KIRREL2: variants seen among roughly 807,000 people sequenced by gnomAD.
The protein encoded by KIRREL2 is kirre like nephrin family adhesion molecule 2, also known as kin of IRRE-like protein 2.
Under a neutral mutation model 73.4 loss-of-function variants are expected in KIRREL2, and 56 were observed. The ratio of observed to expected loss-of-function variants is 0.76; its 90% CI spans 0.62 to 0.95. KIRREL2 has a LOEUF of 0.95. Among genes scored for constraint, KIRREL2 ranks in the 40% least tolerant of loss-of-function variants. The pLI is 0.00. For synonymous variants in KIRREL2, 407 were observed against 404.0 expected (o/e 1.01, Z -0.09); for missense variants, 896 against 935.0 (o/e 0.96, Z 0.54).
chr19:35,857,193 G>T lies in KIRREL2; in HGVS notation c.61+13G>T. On this transcript the variant is annotated intron_variant, in intron 1 of 14. Coordinates refer to ENST00000360202, the MANE Select transcript of KIRREL2 (RefSeq NM_199180.4). ...AGAGGGAGAGCAGGTACCGCACGAGGGGAGCGGAGGAATATGGGGTGGGGG... is the reference window on the plus strand; with the variant it reads ...AGAGGGAGAGCAGGTACCGCACGAGTGGAGCGGAGGAATATGGGGTGGGGG... 6.2e-7 allele frequency: 1 copy of T among 1,611,670 alleles called. No individual in the cohort carries two copies. Among genetic ancestry groups the T allele is most frequent in the Non-Finnish European group, 8.5e-7 (1 of 1,178,566 alleles).
At position 35,861,902 on chromosome 19, in the gene KIRREL2, C is replaced by T. The variant is rs376659232; in HGVS notation, c.1388C>T (p.Pro463Leu). The change falls in exon 11 of 15, where the codon CCG (proline) becomes CTG (leucine). Residue 463 changes from proline to leucine, a missense_variant. Transcript: ENST00000360202. ...PAPESRGGLG[P>L]GLISVLHISG... ...CCAGAGAGCCGCGGGGGACTGGGTC[C>T]GGGCCTGATCTCTGTGCTACACATT... is the stretch of plus-strand genomic sequence containing the variant. The T allele has an allele frequency of 2.0e-4, 321 of 1,606,962 alleles. 1 individual carries two copies. Among genetic ancestry groups the T allele is most frequent in the Non-Finnish European group, 2.5e-4 (298 of 1,177,102 alleles).
upstream of KIRREL2, among the ~76,000 whole-genome samples, chr19:35,856,261 G>A (rs1449435005): frequency 6.6e-6 from 1 of 152,100 alleles, no homozygotes. This position sits in a 1 kb window ranked among gnomAD's most constrained non-coding sequence, Gnocchi z 5.9. Context: ...CCCAGCCGTC[G>A]CCGGGCAACC....
In KIRREL2 at chr19:35,860,596, C is replaced by A. The variant is rs1170405426; in HGVS notation, c.857C>A (p.Thr286Asn). ...LEVVADASFL[T>N]EPVSCEVSNA... ...GTCGTGGCAGACGCCTCGTTCCTGA[C>A]TGAGCCCGTGTCCTGCGAGGTCAGC... The change falls in exon 7 of 15, where the codon ACT becomes AAT. Residue 286 changes from threonine to asparagine, a missense_variant. Coordinates refer to ENST00000360202, the MANE Select transcript of KIRREL2 (RefSeq NM_199180.4). 2.5e-6 allele frequency: 4 copies of A among 1,603,702 alleles called. No individual in the cohort carries two copies. In the East Asian group the frequency reaches 8.9e-5, roughly 36 times the overall value.
chr19:35,859,829 A>G (rs1973586678), intron 5 of KIRREL2, among the ~76,000 whole-genome samples, 198 bp downstream of exon 5: 2 of 152,104 alleles, frequency 1.3e-5, no homozygotes, highest in African/African-American at 2.4e-5. Flanking sequence ...CGGATCATCT[A>G]AGATCAGGAG....
At chr19:35,857,642 CTTCTTTGGGGGTGACCCACGGAGT>C (rs564803390) in intron 2 of KIRREL2, 148 bp downstream of exon 2, 1 of 853,468 alleles carries the variant, frequency 1.2e-6, no homozygotes, top group African/African-American at 1.8e-5. Context: ...TTTTGAGCTG[CTTCTTTGGGGGTGACCCACGGAGT>C]TTGGGAATTA....
intron 14 of KIRREL2, among the ~76,000 whole-genome samples, chr19:35,865,431 G>A (rs1031199412): frequency 1.3e-5 from 2 of 152,082 alleles, no homozygotes; most frequent in East Asian, 1.9e-4. Flanking sequence ...GATTACAGGC[G>A]TGAGCCACTG....
At chr19:35,861,300 G>A (rs1348511451) in intron 9 of KIRREL2, 46 bp downstream of exon 9, 2 of 1,510,000 alleles carry the variant, frequency 1.3e-6, no homozygotes, top group South Asian at 2.6e-5. Context: ...TCCTGGGATA[G>A]GGAGCGGACA....
Position 35,860,524 on chromosome 19 carries a change from CA to C in KIRREL2, c.789del (p.Gly265AlafsTer12). The C allele has an allele frequency of 6.2e-7, 1 of 1,602,838 alleles. No homozygotes were observed. The highest frequency in any genetic ancestry group is 1.1e-5 in the South Asian group (1 of 91,068). On this transcript the variant is annotated frameshift_variant, in exon 7 of 15. Coordinates refer to ENST00000360202, the MANE Select transcript of KIRREL2 (RefSeq NM_199180.4). LOFTEE classifies it high-confidence loss of function. ...CAGCGCCACCATTTCCTCAGGTGGG[CA>C]AAAGGGGGCTCTCCGGTGCTCGGGG... ...AQPPVTGYRW[A>X]KGGSPVLGAR...
Position 35,861,604 on chromosome 19 carries a change from A to G in KIRREL2, c.1253A>G (p.Gln418Arg). 2 of 1,613,538 alleles carry G rather than the reference A, an allele frequency of 1.2e-6. No individual in the cohort carries two copies. The highest frequency in any genetic ancestry group is 1.7e-6 in the Non-Finnish European group (2 of 1,179,822). ...PAFLRGPARL[Q>R]CLVFASPAPD... The stretch of plus-strand genomic sequence containing the variant: ...TTCCTGAGGGGCCCTGCTCGCCTCC[A>G]GTGTCTGGTTTTCGCCTCTCCCGCC... Residue 418 changes from glutamine to arginine, a missense_variant, in exon 10 of 15, where the codon CAG becomes CGG. By Grantham distance (43) the Gln-to-Arg change is conservative. Coordinates refer to ENST00000360202, the MANE Select transcript of KIRREL2 (RefSeq NM_199180.4).
At chr19:35,865,323 G>C (rs964228949) in intron 14 of KIRREL2, among the ~76,000 whole-genome samples, 5 of 151,794 alleles carry the variant, frequency 3.3e-5, no homozygotes, top group Non-Finnish European at 5.9e-5. Flanking sequence ...AATTTTTCTT[G>C]TATTTTTAGT....
Position 35,858,292 on chromosome 19 carries a change from A to G in KIRREL2, c.212-116A>G. 5.7e-6 allele frequency: 7 copies of G among 1,223,778 alleles called. No individual in the cohort carries two copies. In the South Asian group the frequency reaches 9.6e-5, roughly 17 times the overall value. 75.8% of individuals were successfully genotyped at this position (1,223,778 alleles called of 1,614,324 possible). Reference sequence around the variant, plus strand: ...CTGGGCCCAGTACACACTTTTTAATAGTGTCTTACCACCAAATGTGTGGGC... The same window carrying G: ...CTGGGCCCAGTACACACTTTTTAATGGTGTCTTACCACCAAATGTGTGGGC... On this transcript the variant is annotated intron_variant, in intron 2 of 14. Transcript: ENST00000360202.
chr19:35,862,620 GGCTCCCGAGGCCCCA>G, intron 12 of KIRREL2, 23 bp downstream of exon 12: 1 of 1,561,456 alleles, frequency 6.4e-7, no homozygotes, highest in Non-Finnish European at 8.8e-7. Flanking sequence ...GCCCCGCCCC[GGCTCCCGAGGCCCCA>G]GCCCCACACG....
chr19:35,858,705 C>A lies in KIRREL2; in HGVS notation c.363C>A (p.Val121=), dbSNP rs375947934. ...RSRPAQLHVL[V]PPEAPQVLGG... Reference sequence around the variant, plus strand: ...TCTGACCCCAAATCCACCTTGCAGTCCCCCCAGAAGCCCCCCAGGTGCTGG... The same window carrying A: ...TCTGACCCCAAATCCACCTTGCAGTACCCCCAGAAGCCCCCCAGGTGCTGG... Residue 121 remains valine, a splice_region_variant and synonymous_variant, in exon 4 of 15, where the codon GTC becomes GTA. Transcript: ENST00000360202. The A allele has an allele frequency of 6.2e-7, 1 of 1,613,758 alleles. No homozygotes were observed. The highest frequency in any genetic ancestry group is 8.5e-7 in the Non-Finnish European group (1 of 1,179,822).
rs1043855011 is a variant in KIRREL2, at chr19:35,866,398, C to T, written c.2033C>T (p.Ser678Phe). The T allele has an allele frequency of 5.6e-6, 9 of 1,613,414 alleles. No individual in the cohort carries two copies. Among genetic ancestry groups the T allele is most frequent in the Middle Eastern group, 1.6e-4 (1 of 6,082 alleles). Reference sequence around the variant, plus strand: ...TTCACCAGCTACATCAAACCCACATCCTTTGGGCCCCCAGATCTGGCCCCC... The same window carrying T: ...TTCACCAGCTACATCAAACCCACATTCTTTGGGCCCCCAGATCTGGCCCCC... ...RAFTSYIKPT[S>F]FGPPDLAPGT... The change falls in exon 15 of 15, where the codon TCC becomes TTC. Residue 678 changes from serine (S) to phenylalanine (F), a missense_variant. Physicochemically the swap from Ser to Phe is radical, Grantham distance 155. Coordinates refer to ENST00000360202, the MANE Select transcript of KIRREL2 (RefSeq NM_199180.4).
chr19:35,857,834 T>C (rs1408575342), intron 2 of KIRREL2, among the ~76,000 whole-genome samples: 1 of 151,804 alleles, frequency 6.6e-6, no homozygotes, highest in African/African-American at 2.4e-5. Context: ...AATGTATATA[T>C]ATATTTTAAA....
At position 35,866,260 on chromosome 19, in the gene KIRREL2, G is replaced by A; in HGVS notation, c.1895G>A (p.Gly632Glu). ...TTCCTGCCACCACCCTCCCCCCTTG[G>A]GCCCCCAGGGACCCCTACCTTCTAT... ...GLFLPPPSPL[G>E]PPGTPTFYDF... is the part of the protein sequence containing the mutation. The change falls in exon 15 of 15, where the codon GGG becomes GAG. Residue 632 changes from glycine to glutamate, a missense_variant. Transcript: ENST00000360202. 1 of 1,610,762 alleles carries A rather than the reference G, an allele frequency of 6.2e-7. No individual in the cohort carries two copies. The highest frequency in any genetic ancestry group is 8.5e-7 in the Non-Finnish European group (1 of 1,177,458).
chr19:35,855,047 A>G (rs1332139932), upstream of KIRREL2, among the ~76,000 whole-genome samples: 2 of 152,118 alleles, frequency 1.3e-5, no homozygotes, highest in South Asian at 2.1e-4. Context: ...ACCCCCGCCA[A>G]TATCGTTCCC....
Position 35,860,615 on chromosome 19 carries a change from G to T in KIRREL2, c.876G>T (p.Glu292Asp). Reference protein sequence around the residue: ...ASFLTEPVSCEVSNAVGSANR... With the variant: ...ASFLTEPVSCDVSNAVGSANR... ...TCCTGACTGAGCCCGTGTCCTGCGA[G>T]GTCAGCAACGCCGTGGGTAGCGCCA... Residue 292 changes from glutamate to aspartate, a missense_variant, in exon 7 of 15, where the codon GAG becomes GAT. Coordinates refer to ENST00000360202, the MANE Select transcript of KIRREL2 (RefSeq NM_199180.4). The T allele has an allele frequency of 6.2e-7, 1 of 1,603,728 alleles. No individual in the cohort carries two copies.
chr19:35,862,718 C>T, intron 12 of KIRREL2, 121 bp downstream of exon 12: 1 of 780,380 alleles, frequency 1.3e-6, no homozygotes, highest in Non-Finnish European at 2.2e-6. Context: ...CTGCACAGGG[C>T]TTAGCTCTCC....
Sources: allele counts gnomAD v4.1 joint callset (sites outside exome capture counted in the v4.1 genomes callset), GRCh38; gene constraint gnomAD v4.1.1; non-coding constraint Gnocchi (gnomAD v3.1); transcripts MANE v1.5; gene names NCBI Gene and HGNC (gene_info 2026-07-23, HGNC 2026-07-21).